OSBPL11: variants seen among roughly 807,000 people sequenced by gnomAD.
OSBPL11 encodes oxysterol binding protein like 11.
A neutral mutation model predicts 84.4 loss-of-function variants in OSBPL11; 33 were observed. The ratio of observed to expected loss-of-function variants is 0.39; its 90% CI spans 0.30 to 0.52. The LOEUF is 0.52. Ranked by LOEUF, OSBPL11 falls within the 20% of genes least tolerant of loss-of-function variation. The pLI, the probability that OSBPL11 is intolerant of heterozygous loss-of-function variation, is 0.72. For missense variants in OSBPL11, 736 were observed against 901.1 expected (o/e 0.82, Z 2.35); for synonymous variants, 276 against 310.2 (o/e 0.89, Z 1.16).
intron 11 of OSBPL11, among the ~76,000 whole-genome samples, chr3:125,532,314 A>C (rs1347049468): frequency 6.6e-6 from 1 of 152,216 alleles, no homozygotes; most frequent in Non-Finnish European, 1.5e-5. Context: ...GTAAATTTTC[A>C]AAGTTGAAAT....
intron 1 of OSBPL11, among the ~76,000 whole-genome samples, chr3:125,589,099 A>C (rs1471766577): frequency 6.6e-6 from 1 of 152,180 alleles, no homozygotes; most frequent in Non-Finnish European, 1.5e-5. Flanking sequence ...CTGTAATCCC[A>C]GTACTTTAAG....
intron 2 of OSBPL11, among the ~76,000 whole-genome samples, chr3:125,582,230 G>A (rs1392434978): frequency 6.6e-6 from 1 of 151,810 alleles, no homozygotes; most frequent in Non-Finnish European, 1.5e-5. Context: ...AGCTACTCAG[G>A]AGGCTGAGAC....
At position 125,594,853 on chromosome 3, in the gene OSBPL11, G is replaced by T; in HGVS notation, c.-53C>A. 2 of 1,546,414 alleles carry T rather than the reference G, an allele frequency of 1.3e-6. No homozygotes were observed. Among genetic ancestry groups the T allele is most frequent in the Non-Finnish European group, 1.7e-6 (2 of 1,146,406 alleles). The stretch of plus-strand genomic sequence containing the variant: ...TTGAGCGGGAGAGAACAATTCTGTA[G>T]TTCTGTAGGTGACTTTTTTTTTTTA... On this transcript the variant is annotated 5_prime_UTR_variant, in exon 1 of 13. Coordinates refer to ENST00000296220, the MANE Select transcript of OSBPL11 (RefSeq NM_022776.5).
rs1446674142 is a variant in OSBPL11, at chr3:125,576,327, T to C, written c.528A>G (p.Ala176=). ...GCGATATAGGAGAATTACTACTAGA[T>C]GCAAGTGAGAAGCTCCGTGACTTCA... is the stretch of plus-strand genomic sequence containing the variant. The part of the protein sequence containing the change: ...PPLKSRSFSL[A]SSSNSPISQR... Residue 176 remains alanine, a synonymous_variant, in exon 5 of 13, where the codon GCA becomes GCG. Coordinates refer to ENST00000296220, the MANE Select transcript of OSBPL11 (RefSeq NM_022776.5). 6.2e-6 allele frequency: 10 copies of C among 1,600,078 alleles called. No homozygotes were observed. The highest frequency in any genetic ancestry group is 7.6e-6 in the Non-Finnish European group (9 of 1,176,698).
intron 6 of OSBPL11, among the ~76,000 whole-genome samples, chr3:125,564,309 C>T (rs1475088409): frequency 6.6e-6 from 1 of 152,198 alleles, no homozygotes; most frequent in Non-Finnish European, 1.5e-5. Flanking sequence ...AATAATCCCC[C>T]GGATCTAATT....
rs60966758 is a variant in OSBPL11, at chr3:125,529,459, A to AT, written c.*1055_*1056insA. Reference sequence around the variant, plus strand: ...CATTTAAATTTCCTCAAAAAAAAAAAAAATAAATAAAACCATACCTTACAT... The same window carrying AT: ...CATTTAAATTTCCTCAAAAAAAAAAATAAATAAATAAAACCATACCTTACAT... On this transcript the variant is annotated 3_prime_UTR_variant, in exon 13 of 13. Coordinates refer to ENST00000296220, the MANE Select transcript of OSBPL11 (RefSeq NM_022776.5). 0.25 allele frequency: 38,473 copies of AT among 151,500 alleles called. 6,757 individuals carry two copies. The highest frequency in any genetic ancestry group is 0.51 in the African/African-American group (21,053 of 41,228). The allele number at this position is 151,500 out of a possible 1,614,324, so 9.4% of individuals were successfully genotyped here. A position where few individuals can be genotyped will look rare whatever the true frequency, so the allele number is the denominator to read the frequency against.
chr3:125,537,445 G>A (rs1176970017), intron 11 of OSBPL11, among the ~76,000 whole-genome samples: 1 of 152,106 alleles, frequency 6.6e-6, no homozygotes, highest in African/African-American at 2.4e-5. Context: ...ACTTGCAGAT[G>A]CCCTGAAAAG....
In OSBPL11 at chr3:125,540,328, CAAAAAAAAAAAAAAAAAA is replaced by C. The variant is rs201858368; in HGVS notation, c.1842-1713_1842-1696del. 7.3e-4 allele frequency among the ~76,000 whole-genome samples: 62 copies of C among 85,344 alleles called. 1 individual carries two copies. The highest frequency in any genetic ancestry group is 2.8e-3 in the African/African-American group (52 of 18,892). The allele number at this position is 85,344 out of a possible 152,430, so 56.0% of individuals were successfully genotyped here. ...TGGGCGACAGAGGATGGCTCTGTCTCAAAAAAAAAAAAAAAAAAAAAAAAAAAAAAGAGTAGTTGTATA... is the reference window on the plus strand; with the variant it reads ...TGGGCGACAGAGGATGGCTCTGTCTCAAAAAAAAAAAAGAGTAGTTGTATA... On this transcript the variant is annotated intron_variant, in intron 10 of 12. Transcript: ENST00000296220.
chr3:125,560,194 G>A (rs975533004), intron 8 of OSBPL11, among the ~76,000 whole-genome samples, 185 bp downstream of exon 8: 1 of 152,164 alleles, frequency 6.6e-6, no homozygotes, highest in African/African-American at 2.4e-5. Context: ...CCAGGAAGTG[G>A]AGGTTGCAGT....
chr3:125,541,791 C>T (rs1935732312), intron 10 of OSBPL11, among the ~76,000 whole-genome samples: 1 of 152,104 alleles, frequency 6.6e-6, no homozygotes, highest in Admixed American at 6.5e-5. Flanking sequence ...CTATGTTGCC[C>T]AGGATGGTAT....
intron 10 of OSBPL11, among the ~76,000 whole-genome samples, chr3:125,546,964 T>C (rs1393719081): frequency 6.6e-6 from 1 of 152,166 alleles, no homozygotes; most frequent in African/African-American, 2.4e-5. Context: ...AATTTATCAC[T>C]GCAAGTTGCT....
intron 2 of OSBPL11, among the ~76,000 whole-genome samples, chr3:125,581,560 G>A (rs866048547): frequency 4.0e-5 from 6 of 151,564 alleles, no homozygotes; most frequent in African/African-American, 1.5e-4. Context: ...GCTGGGCGAG[G>A]TGGCGTGCAC....
chr3:125,593,542 C>T lies in OSBPL11; in HGVS notation c.164+1095G>A, dbSNP rs1359567966. Among the ~76,000 whole-genome samples the T allele has an allele frequency of 3.3e-5, 5 of 151,824 alleles. No homozygotes were observed. The East Asian group carries it at 9.6e-4, about 29-fold the overall frequency. On this transcript the variant is annotated intron_variant, in intron 1 of 12. Transcript: ENST00000296220. ...GGCTGAGACACGAGAATCGCTTGAACCCAGGAGGTGGAGGTGGTAGTGAGC... is the reference window on the plus strand; with the variant it reads ...GGCTGAGACACGAGAATCGCTTGAATCCAGGAGGTGGAGGTGGTAGTGAGC...
intron 8 of OSBPL11, among the ~76,000 whole-genome samples, chr3:125,552,910 G>A (rs747058337): frequency 2.6e-5 from 4 of 152,156 alleles, no homozygotes; most frequent in Non-Finnish European, 5.9e-5. Context: ...TTCAGCACAG[G>A]AGTTCGAAAC....
At chr3:125,578,539 T>C (rs1376600987) in intron 4 of OSBPL11, among the ~76,000 whole-genome samples, 1 of 152,062 alleles carries the variant, frequency 6.6e-6, no homozygotes, top group East Asian at 1.9e-4. Context: ...AGGTCAGGAG[T>C]TCGAGGCCAG....
intron 6 of OSBPL11, among the ~76,000 whole-genome samples, chr3:125,565,063 G>A (rs192572783): frequency 1.3e-5 from 2 of 152,236 alleles, no homozygotes; most frequent in Admixed American, 1.3e-4. Context: ...GGGCAACACA[G>A]ACAGACTCCA....
At chr3:125,570,304 G>A (rs375933031) in intron 5 of OSBPL11, among the ~76,000 whole-genome samples, 2 of 136,522 alleles carry the variant, frequency 1.5e-5, no homozygotes, top group Non-Finnish European at 3.1e-5. Flanking sequence ...CCATCCTGGG[G>A]AACACAGCAA....
Position 125,531,896 on chromosome 3 carries a change from C to T in OSBPL11, c.2143G>A (p.Gly715Ser). 1.2e-6 allele frequency: 2 copies of T among 1,613,756 alleles called. No individual in the cohort carries two copies. The highest frequency in any genetic ancestry group is 1.7e-6 in the Non-Finnish European group (2 of 1,179,922). The change falls in exon 12 of 13, where the codon GGC becomes AGC. Residue 715 changes from glycine to serine, a missense_variant. By Grantham distance (56) the Gly-to-Ser change is moderately conservative (BLOSUM62 0). This residue lies in a region of OSBPL11 where 579 missense variants were observed against 717.6 expected (regional missense o/e 0.81). Coordinates refer to ENST00000296220, the MANE Select transcript of OSBPL11 (RefSeq NM_022776.5). ...RTEERHRTET[G>S]TPWKTKYFIK... ...AAATATTTGGTTTTCCAAGGTGTGC[C>T]TGTTTCAGTACGATGCCTTTCTTCA...
chr3:125,584,950 T>C (rs928546609), intron 1 of OSBPL11, among the ~76,000 whole-genome samples: 7 of 152,092 alleles, frequency 4.6e-5, no homozygotes, highest in African/African-American at 1.7e-4. Flanking sequence ...TAATTTTTAA[T>C]TATTTTTGTG....
Sources: gnomAD v4.1 joint callset for allele counts (sites outside exome capture counted in the v4.1 genomes callset) on GRCh38, gnomAD v4.1.1 for gene constraint, gnomAD v4.1.1 regional missense constraint, MANE v1.5 for transcripts, NCBI Gene and HGNC (gene_info 2026-07-23, HGNC 2026-07-21) for gene names.